The following LRRC7 variants were observed in gnomAD, a reference collection of about 807,000 sequenced individuals.
LRRC7 encodes leucine-rich repeat-containing protein 7.
In LRRC7, 23 loss-of-function variants were observed where a neutral mutation model predicts 175.7. That is an observed-to-expected ratio of 0.13 (90% CI 0.09 to 0.19). The LOEUF is 0.19. LRRC7 is among the 10% of genes least tolerant of loss of function. The probability of loss-of-function intolerance (pLI) is 1.00; values close to 1 mark genes in which losing one functional copy is unlikely to be tolerated. For missense variants in LRRC7, 1,354 were observed against 1,904.7 expected (o/e 0.71, Z 5.38); for synonymous variants, 685 against 680.9 (o/e 1.01, Z -0.09).
chr1:70,119,488 C>G (rs976662901), intron 26 of LRRC7, among the ~76,000 whole-genome samples: 3 of 151,526 alleles, frequency 2.0e-5, no homozygotes, highest in Non-Finnish European at 4.4e-5. Flanking sequence ...TAGCACAATG[C>G]CTATGGAAGT....
At chr1:69,964,835 A>G (rs1445141121) in intron 8 of LRRC7, among the ~76,000 whole-genome samples, 1 of 152,196 alleles carries the variant, frequency 6.6e-6, no homozygotes, top group Non-Finnish European at 1.5e-5. Flanking sequence ...ACACCTACAT[A>G]GTCCATTCTT....
chr1:69,722,332 C>CTA (rs1666454972), intron 2 of LRRC7, among the ~76,000 whole-genome samples: 1 of 151,940 alleles, frequency 6.6e-6, no homozygotes, highest in African/African-American at 2.4e-5. Flanking sequence ...CAGTCTTTTG[C>CTA]TATCATGAAC....
At chr1:69,692,307 G>C (rs1356553135) in intron 2 of LRRC7, among the ~76,000 whole-genome samples, 1 of 152,156 alleles carries the variant, frequency 6.6e-6, no homozygotes, top group African/African-American at 2.4e-5. Context: ...TCCTAACGGA[G>C]TTAGAAATGA....
chr1:69,708,408 A>T (rs1449121383), intron 2 of LRRC7, among the ~76,000 whole-genome samples: 1 of 152,226 alleles, frequency 6.6e-6, no homozygotes, highest in East Asian at 1.9e-4. Flanking sequence ...CTGACCATCG[A>T]GTTCCTTAAA....
At chr1:69,817,348 A>G (rs1678721041) in intron 4 of LRRC7, among the ~76,000 whole-genome samples, 1 of 151,802 alleles carries the variant, frequency 6.6e-6, no homozygotes, top group Admixed American at 6.6e-5. Context: ...TCATTCTTCT[A>G]CCTGTGGGTT....
intron 4 of LRRC7, among the ~76,000 whole-genome samples, chr1:69,823,149 G>T (rs997611271): frequency 1.3e-5 from 2 of 152,110 alleles, no homozygotes; most frequent in Non-Finnish European, 2.9e-5. Flanking sequence ...TTCCTTGAAT[G>T]AGTGAGCTTT....
intron 1 of LRRC7, among the ~76,000 whole-genome samples, chr1:69,629,331 T>A (rs1383278170): frequency 6.6e-6 from 1 of 152,188 alleles, no homozygotes; most frequent in Non-Finnish European, 1.5e-5. Flanking sequence ...CTTTTTTAGT[T>A]GAATAGAGAT....
chr1:69,941,181 G>A (rs962570412), intron 8 of LRRC7, among the ~76,000 whole-genome samples: 2 of 152,044 alleles, frequency 1.3e-5, no homozygotes, highest in Non-Finnish European at 2.9e-5. Flanking sequence ...AATGAGAAAA[G>A]TATTGGGAGA....
At chr1:69,573,751 C>G (rs559793907) in intron 1 of LRRC7, among the ~76,000 whole-genome samples, 2 of 152,186 alleles carry the variant, frequency 1.3e-5, no homozygotes, top group Admixed American at 6.5e-5. Context: ...CACTCATTCT[C>G]ATTTTATTGT....
intron 2 of LRRC7, among the ~76,000 whole-genome samples, chr1:69,758,826 C>A (rs12095217): frequency 0.019 from 2,832 of 152,024 alleles, 73 homozygotes; most frequent in African/African-American, 0.063. Context: ...TTAACATGAG[C>A]AATTTTAAAA....
intron 1 of LRRC7, among the ~76,000 whole-genome samples, chr1:69,643,718 A>G (rs1654582679): frequency 6.6e-6 from 1 of 152,134 alleles, no homozygotes; most frequent in Non-Finnish European, 1.5e-5. Flanking sequence ...TGAGGGATTA[A>G]TGTCAGATTA....
At chr1:69,708,606 A>G (rs1289398220) in intron 2 of LRRC7, among the ~76,000 whole-genome samples, 3 of 152,196 alleles carry the variant, frequency 2.0e-5, no homozygotes, top group African/African-American at 2.4e-5. Context: ...CTAAACATCT[A>G]TTTAGGCCAA....
Position 69,775,375 on chromosome 1 carries a change from T to A in LRRC7, c.303+14982T>A, listed in dbSNP as rs541803526. ...TATGACTTGACAGTTTGTTATACTC[T>A]AGAGAATTAATCCCCTGTCAACTCC... On this transcript the variant is annotated intron_variant, in intron 3 of 26. Coordinates refer to ENST00000651989, the MANE Select transcript of LRRC7 (RefSeq NM_001370785.2). 3.9e-5 allele frequency among the ~76,000 whole-genome samples: 6 copies of A among 152,350 alleles called. No homozygotes were observed. In the South Asian group the frequency reaches 1.2e-3, roughly 32 times the overall value.
In LRRC7 at chr1:70,036,125, C is replaced by G. The variant is rs774424374; in HGVS notation, c.2000C>G (p.Ser667Cys). 5.6e-6 allele frequency: 9 copies of G among 1,608,590 alleles called. No individual in the cohort carries two copies. The highest frequency in any genetic ancestry group is 2.2e-5 in the South Asian group (2 of 90,036). Residue 667 changes from serine to cysteine, a missense_variant, in exon 19 of 27, where the codon TCT becomes TGT. This residue lies in a region of LRRC7 where 1,032 missense variants were observed against 1,227.2 expected (regional missense o/e 0.84). Transcript: ENST00000651989. ...VAPKEITVEDSFVHPANEMRI... is the reference protein window; with the variant it reads ...VAPKEITVEDCFVHPANEMRI... Reference sequence around the variant, plus strand: ...CTGTATTATTATATCTCTCAGGATTCTTTTGTTCATCCAGCTAATGAAATG... The same window carrying G: ...CTGTATTATTATATCTCTCAGGATTGTTTTGTTCATCCAGCTAATGAAATG...
chr1:70,081,228 A>G (rs1376745328), intron 24 of LRRC7, among the ~76,000 whole-genome samples: 2 of 152,246 alleles, frequency 1.3e-5, no homozygotes, highest in African/African-American at 4.8e-5. Flanking sequence ...TATTGAGAAT[A>G]TCACTATTTA....
At chr1:69,743,181 G>A (rs1208108398) in intron 2 of LRRC7, among the ~76,000 whole-genome samples, 3 of 152,006 alleles carry the variant, frequency 2.0e-5, no homozygotes, top group African/African-American at 4.8e-5. Context: ...AATTGTCTGT[G>A]TTAGTCAGGA....
At chr1:69,622,454 A>C (rs556700143) in intron 1 of LRRC7, among the ~76,000 whole-genome samples, 4 of 152,302 alleles carry the variant, frequency 2.6e-5, no homozygotes, top group African/African-American at 9.6e-5. Context: ...ATAATTTATT[A>C]TTTTGGCCCT....
chr1:69,591,561 G>C (rs1172569408), intron 1 of LRRC7, among the ~76,000 whole-genome samples: 2 of 151,914 alleles, frequency 1.3e-5, no homozygotes, highest in African/African-American at 4.8e-5. Flanking sequence ...TTACTCTAAG[G>C]GCATTTATAA....
chr1:69,574,986 A>C (rs61782207), intron 1 of LRRC7, among the ~76,000 whole-genome samples: 27,524 of 152,088 alleles, frequency 0.18, 2,768 homozygotes, highest in East Asian at 0.36. Context: ...ATTGTTGAAC[A>C]CTGGGCACAC....
Sources: gnomAD v4.1 joint callset for allele counts (sites outside exome capture counted in the v4.1 genomes callset) on GRCh38, gnomAD v4.1.1 for gene constraint, gnomAD v4.1.1 regional missense constraint, MANE v1.5 for transcripts, NCBI Gene and HGNC (gene_info 2026-07-23, HGNC 2026-07-21) for gene names.